EGFL6: variants seen among roughly 807,000 people sequenced by gnomAD.
The protein encoded by EGFL6 is epidermal growth factor-like protein 6.
Under a neutral mutation model 43.1 loss-of-function variants are expected in EGFL6, and 42 were observed. That is an observed-to-expected ratio of 0.98 (90% CI 0.76 to 1.26). The LOEUF (loss-of-function observed/expected upper bound fraction) is 1.26, where lower values mean the gene tolerates loss of function less well. EGFL6 is among the 50% of genes most tolerant of loss of function. The probability of loss-of-function intolerance (pLI) is 0.00; values close to 1 mark genes in which losing one functional copy is unlikely to be tolerated. For synonymous variants in EGFL6, 164 were observed against 163.2 expected, an observed-to-expected ratio of 1.01 and a Z score of -0.04; for missense variants, 429 against 427.8, an observed-to-expected ratio of 1.00 and a Z score of -0.02.
chrX:13,617,575 T>C (rs1339407315), intron 7 of EGFL6, among the ~76,000 whole-genome samples, 155 bp from the exon 8 acceptor site: 3 of 103,114 alleles, frequency 2.9e-5, no homozygotes, highest in African/African-American at 1.3e-4. Context: ...AATACAAATA[T>C]AGTTCTTCCT....
intron 1 of EGFL6, among the ~76,000 whole-genome samples, chrX:13,570,840 T>G (rs2045437794): frequency 8.9e-6 from 1 of 111,913 alleles, no homozygotes; most frequent in Non-Finnish European, 1.9e-5. Flanking sequence ...AACCTAGGTA[T>G]TCTGGCCCAA....
At chrX:13,588,788 C>T (rs1319581034) in intron 1 of EGFL6, among the ~76,000 whole-genome samples, 1 of 112,110 alleles carries the variant, frequency 8.9e-6, no homozygotes, top group African/African-American at 3.2e-5. Context: ...TTACAGTGTC[C>T]ATAAATAAAG....
chrX:13,631,437 A>G (rs1288230569), intron 11 of EGFL6, among the ~76,000 whole-genome samples: 2 of 111,500 alleles, frequency 1.8e-5, no homozygotes, highest in African/African-American at 3.3e-5. Context: ...GTTTTATCTG[A>G]TTATAAAATT....
intron 1 of EGFL6, among the ~76,000 whole-genome samples, chrX:13,587,332 C>T (rs1265987382): frequency 8.9e-6 from 1 of 111,733 alleles, no homozygotes; most frequent in Non-Finnish European, 1.9e-5. Context: ...TGGTTAGTTG[C>T]CCATAGTTTC....
At chrX:13,596,963 T>A (rs1160169712) in intron 3 of EGFL6, among the ~76,000 whole-genome samples, 2 of 112,050 alleles carry the variant, frequency 1.8e-5, no homozygotes, top group Non-Finnish European at 3.8e-5. Context: ...TTGCTATAGA[T>A]CAGCAGATTT....
intron 7 of EGFL6, among the ~76,000 whole-genome samples, chrX:13,611,394 T>C (rs1602653413): frequency 8.9e-6 from 1 of 111,768 alleles, no homozygotes. Flanking sequence ...TATGAAAATG[T>C]TGTGCATACA....
chrX:13,582,235 G>T (rs1207761622), intron 1 of EGFL6, among the ~76,000 whole-genome samples: 1 of 109,001 alleles, frequency 9.2e-6, no homozygotes, highest in African/African-American at 3.3e-5. Context: ...CTAATTTTTT[G>T]TATTTTTAGT....
intron 10 of EGFL6, 95 bp from the exon 11 acceptor site, chrX:13,626,916 G>T: frequency 6.3e-6 from 6 of 951,358 alleles, no homozygotes; most frequent in Non-Finnish European, 7.3e-6. Flanking sequence ...CCCTATAGGA[G>T]ACTATTGTTT....
At chrX:13,588,599 G>T (rs2045545982) in intron 1 of EGFL6, among the ~76,000 whole-genome samples, 2 of 110,638 alleles carry the variant, frequency 1.8e-5, no homozygotes. Flanking sequence ...GGGGACAGGG[G>T]GCTCACCTTT....
At chrX:13,617,690 A>G (rs370370967) in intron 7 of EGFL6, 40 bp from the exon 8 acceptor site, 1 of 1,083,177 alleles carries the variant, frequency 9.2e-7, no homozygotes, top group African/African-American at 1.9e-5. Context: ...TAATTTAATT[A>G]TCTTCCAATT....
At position 13,617,814 on chromosome X, in the gene EGFL6, A is replaced by G; in HGVS notation, c.863A>G (p.Asn288Ser). 1 of 1,211,577 alleles carries G rather than the reference A, an allele frequency of 8.3e-7. No homozygotes were observed. The highest frequency in any genetic ancestry group is 1.8e-5 in the South Asian group (1 of 56,969). ...ATCAAGAAGTTGCTTGCTCACAAAA[A>G]CAGCATGAAAAAGAAGGCAAAAATT... is the stretch of plus-strand genomic sequence containing the variant. ...DRIKKLLAHKNSMKKKAKIKN... is the reference protein window; with the variant it reads ...DRIKKLLAHKSSMKKKAKIKN... Residue 288 changes from asparagine to serine, a missense_variant, in exon 8 of 12, where the codon AAC becomes AGC. By Grantham distance (46) the Asn-to-Ser change is conservative. Coordinates refer to ENST00000361306, the MANE Select transcript of EGFL6 (RefSeq NM_015507.4).
At position 13,622,284 on chromosome X, in the gene EGFL6, G is replaced by A. The variant is rs138148254; in HGVS notation, c.1184-1540G>A. Among the ~76,000 whole-genome samples the A allele has an allele frequency of 3.6e-3, 407 of 112,395 alleles. 4 individuals carry two copies. The highest frequency in any genetic ancestry group is 0.026 in the South Asian group (69 of 2,674). ...GCAAGATGGAAGGTCCTGGATTGCAGTCTGATTTGGGATTCAGGTCCAACT... is the reference window on the plus strand; with the variant it reads ...GCAAGATGGAAGGTCCTGGATTGCAATCTGATTTGGGATTCAGGTCCAACT... On this transcript the variant is annotated intron_variant, in intron 9 of 11. Coordinates refer to ENST00000361306, the MANE Select transcript of EGFL6 (RefSeq NM_015507.4).
chrX:13,570,886 C>T (rs750702941), intron 1 of EGFL6, among the ~76,000 whole-genome samples: 1 of 112,173 alleles, frequency 8.9e-6, no homozygotes, highest in Non-Finnish European at 1.9e-5. Flanking sequence ...GGCAGCCTTC[C>T]GGCAACGGAA....
intron 10 of EGFL6, among the ~76,000 whole-genome samples, chrX:13,625,540 C>T (rs1407410494): frequency 2.7e-5 from 3 of 109,748 alleles, no homozygotes; most frequent in South Asian, 4.0e-4. Context: ...AAAAATTAGC[C>T]GGGCGTGGTG....
Position 13,619,254 on chromosome X carries a change from C to G in EGFL6, c.1183+11C>G. The G allele has an allele frequency of 8.4e-7, 1 of 1,189,315 alleles. No individual in the cohort carries two copies. Among genetic ancestry groups the G allele is most frequent in the Non-Finnish European group, 1.1e-6 (1 of 875,100 alleles). On this transcript the variant is annotated intron_variant, in intron 9 of 11. Transcript: ENST00000361306. ...AACTGGAACATAAAGGTAAATAATT[C>G]TTTCTCCCAAGTGTATGCTCTTTCA...
chrX:13,612,727 G>A (rs898146703), intron 7 of EGFL6, among the ~76,000 whole-genome samples: 6 of 112,065 alleles, frequency 5.4e-5, no homozygotes, highest in Non-Finnish European at 9.4e-5. Flanking sequence ...CCACGCTTAT[G>A]TACATACAAG....
chrX:13,632,302 T>G (rs1264205828), intron 11 of EGFL6, among the ~76,000 whole-genome samples: 2 of 95,131 alleles, frequency 2.1e-5, no homozygotes, highest in African/African-American at 3.9e-5. Flanking sequence ...TTTTGGTTTT[T>G]TTTTTTTTTT....
Position 13,633,126 on chromosome X carries a change from G to A in EGFL6, c.*31G>A. On this transcript the variant is annotated 3_prime_UTR_variant, in exon 12 of 12. Coordinates refer to ENST00000361306, the MANE Select transcript of EGFL6 (RefSeq NM_015507.4). ...ACTATCTTTATATTTGACTTTGTATGTCAGTTCCCTGGTTTTTTTGATATT... is the reference window on the plus strand; with the variant it reads ...ACTATCTTTATATTTGACTTTGTATATCAGTTCCCTGGTTTTTTTGATATT... 1 of 1,124,707 alleles carries A rather than the reference G, an allele frequency of 8.9e-7. No homozygotes were observed. Among genetic ancestry groups the A allele is most frequent in the Non-Finnish European group, 1.2e-6 (1 of 841,303 alleles). The allele number at this position is 1,124,707 out of a possible 1,213,427, so 92.7% of individuals were successfully genotyped here. A position where few individuals can be genotyped will look rare whatever the true frequency, so the allele number is the denominator to read the frequency against.
intron 6 of EGFL6, among the ~76,000 whole-genome samples, chrX:13,607,793 C>T (rs1392378802): frequency 8.9e-6 from 1 of 112,250 alleles, no homozygotes. Context: ...GTGGAGAATA[C>T]GGCAAACAAA....
Sources: gnomAD v4.1 joint callset for allele counts (sites outside exome capture counted in the v4.1 genomes callset) on GRCh38, gnomAD v4.1.1 for gene constraint, MANE v1.5 for transcripts, NCBI Gene and HGNC (gene_info 2026-07-23, HGNC 2026-07-21) for gene names.